TNRC6A: variants seen among roughly 807,000 people sequenced by gnomAD.
TNRC6A encodes the protein trinucleotide repeat containing adaptor 6A.
TNRC6A carries 44 observed loss-of-function variants against 221.2 expected under a neutral mutation model. The observed-to-expected ratio is 0.20, with a 90% CI of 0.16 to 0.26. The LOEUF is 0.26. Among genes scored for constraint, TNRC6A ranks in the 10% least tolerant of loss-of-function variants. The pLI, the probability that TNRC6A is intolerant of heterozygous loss-of-function variation, is 1.00. For synonymous variants in TNRC6A, 847 were observed against 838.5 expected, an observed-to-expected ratio of 1.01 and a Z score of -0.18; for missense variants, 2,199 against 2,404.4, an observed-to-expected ratio of 0.91 and a Z score of 1.79.
intron 2 of TNRC6A, among the ~76,000 whole-genome samples, chr16:24,653,669 A>C (rs997936145): frequency 7.2e-5 from 11 of 151,846 alleles, no homozygotes; most frequent in Non-Finnish European, 1.5e-5. Context: ...AATCCCAGCT[A>C]CTTGGGAGGC....
intron 1 of TNRC6A, 61 bp from the exon 2 acceptor site, chr16:24,730,192 G>A: frequency 1.4e-6 from 2 of 1,442,496 alleles, no homozygotes; most frequent in East Asian, 2.9e-5. Context: ...CCGTTTTCAC[G>A]CGCATCTCGT....
chr16:24,690,860 T>C (rs1260719196), intron 2 of TNRC6A, among the ~76,000 whole-genome samples: 3 of 149,986 alleles, frequency 2.0e-5, no homozygotes, highest in African/African-American at 7.4e-5. Context: ...CAGGCTGGAG[T>C]GTAGTGGCGA....
At chr16:24,727,936 C>G (rs951193995), upstream of TNRC6A, among the ~76,000 whole-genome samples, 1 of 147,320 alleles carries the variant, frequency 6.8e-6, no homozygotes, top group African/African-American at 2.5e-5. Context: ...TTTTTTTTTT[C>G]AAAAAAGTGT....
intron 2 of TNRC6A, among the ~76,000 whole-genome samples, chr16:24,654,677 C>G (rs1038700971): frequency 6.6e-6 from 1 of 151,924 alleles, no homozygotes; most frequent in Non-Finnish European, 1.5e-5. Flanking sequence ...TGAGATCGCA[C>G]CACTGCACTC....
intron 1 of TNRC6A, among the ~76,000 whole-genome samples, chr16:24,610,885 G>T (rs192170115): frequency 1.3e-5 from 2 of 151,696 alleles, no homozygotes; most frequent in African/African-American, 2.4e-5. Flanking sequence ...ATCTCGGCTC[G>T]CTGCAACCTC....
At chr16:24,628,493 C>T (rs540595312) in intron 1 of TNRC6A, among the ~76,000 whole-genome samples, 40 of 152,068 alleles carry the variant, frequency 2.6e-4, no homozygotes, top group Non-Finnish European at 5.0e-4. Flanking sequence ...CTACCTTCTC[C>T]ACCTCTGCCA....
At chr16:24,621,277 G>A (rs1261721578) in intron 1 of TNRC6A, among the ~76,000 whole-genome samples, 1 of 151,146 alleles carries the variant, frequency 6.6e-6, no homozygotes, top group Non-Finnish European at 1.5e-5. Flanking sequence ...TGGTTCAAGG[G>A]TGCAGATGGT....
intron 3 of TNRC6A, among the ~76,000 whole-genome samples, chr16:24,752,537 T>C (rs1386202917): frequency 6.6e-6 from 1 of 152,138 alleles, no homozygotes; most frequent in Non-Finnish European, 1.5e-5. Flanking sequence ...TTGGTATTGA[T>C]GGATGTCTTG....
At chr16:24,734,553 C>G (rs760864105) in intron 2 of TNRC6A, among the ~76,000 whole-genome samples, 7 of 152,196 alleles carry the variant, frequency 4.6e-5, no homozygotes, top group Non-Finnish European at 1.5e-5. Context: ...TTCTTCATTT[C>G]TCAAGTGAGA....
At chr16:24,679,877 G>GAGATTAC (rs1031795030) in intron 2 of TNRC6A, among the ~76,000 whole-genome samples, 42 of 152,074 alleles carry the variant, frequency 2.8e-4, no homozygotes, top group African/African-American at 9.9e-4. Context: ...CCAAAGTGCT[G>GAGATTAC]AGATTACAGG....
Position 24,820,343 on chromosome 16 carries a change from A to C in TNRC6A, c.5285A>C (p.Asp1762Ala). 6.2e-7 allele frequency: 1 copy of C among 1,614,148 alleles called. No homozygotes were observed. The highest frequency in any genetic ancestry group is 8.5e-7 in the Non-Finnish European group (1 of 1,180,020). ...LRIGGGWGNS[D>A]ARYTPGSSWG... ...ATAGGTGGAGGATGGGGAAATTCTGACGCCAGATATACCCCAGGTAAGATG... is the reference window on the plus strand; with the variant it reads ...ATAGGTGGAGGATGGGGAAATTCTGCCGCCAGATATACCCCAGGTAAGATG... Residue 1762 changes from aspartate to alanine, a missense_variant, in exon 22 of 25, where the codon GAC (aspartate) becomes GCC (alanine). This residue lies in a region of TNRC6A where 449 missense variants were observed against 579.7 expected (regional missense o/e 0.77). Transcript: ENST00000395799.
intron 2 of TNRC6A, among the ~76,000 whole-genome samples, chr16:24,738,183 T>C (rs78122584): frequency 0.011 from 1,651 of 152,342 alleles, 18 homozygotes; most frequent in Admixed American, 0.02. Flanking sequence ...TTTGCTCAGC[T>C]TATCAATTTA....
At chr16:24,655,443 C>T (rs945515245) in intron 2 of TNRC6A, among the ~76,000 whole-genome samples, 1 of 152,220 alleles carries the variant, frequency 6.6e-6, no homozygotes, top group African/African-American at 2.4e-5. Context: ...AATCCCAGCA[C>T]TTTGGGAGGC....
intron 2 of TNRC6A, chr16:24,663,225 T>TA (rs1389548268): frequency 6.5e-6 from 1 of 153,812 alleles, no homozygotes; most frequent in Admixed American, 6.5e-5. Flanking sequence ...TATTCACAGT[T>TA]ACAGCTTAAC....
chr16:24,740,691 G>A (rs1275148757), intron 2 of TNRC6A, among the ~76,000 whole-genome samples: 2 of 152,062 alleles, frequency 1.3e-5, no homozygotes, highest in Non-Finnish European at 2.9e-5. Context: ...TTTAAATGAT[G>A]TAGTTTGGTG....
intron 1 of TNRC6A, among the ~76,000 whole-genome samples, chr16:24,621,139 A>T (rs1468342665): frequency 6.6e-6 from 1 of 151,360 alleles, no homozygotes; most frequent in African/African-American, 2.4e-5. Flanking sequence ...GAAAGAAAGA[A>T]AAATAGTATT....
Position 24,763,474 on chromosome 16 carries a change from C to T in TNRC6A, c.163+5114C>T, listed in dbSNP as rs535282390. 2.0e-5 allele frequency among the ~76,000 whole-genome samples: 3 copies of T among 152,300 alleles called. No individual in the cohort carries two copies. In the South Asian group the frequency reaches 6.2e-4, roughly 32 times the overall value. On this transcript the variant is annotated intron_variant, in intron 4 of 24. Coordinates refer to ENST00000395799, the MANE Select transcript of TNRC6A (RefSeq NM_014494.4). ...AGAAGTTTTTAGTTTGTCCCCTTCT[C>T]ATTAATAAACAGAGCACCTCTTTAC...
intron 5 of TNRC6A, among the ~76,000 whole-genome samples, chr16:24,780,293 G>T (rs2057813426): frequency 1.3e-5 from 2 of 152,094 alleles, no homozygotes; most frequent in South Asian, 4.1e-4. Context: ...GCATGCATGT[G>T]CACATTATTG....
At chr16:24,820,090 T>C in intron 21 of TNRC6A, 49 bp from the exon 22 acceptor site, 4 of 1,528,318 alleles carry the variant, frequency 2.6e-6, no homozygotes, top group South Asian at 1.1e-5. Flanking sequence ...AATTTCCTCC[T>C]TTCTTAAACA....
Sources: allele counts gnomAD v4.1 joint callset (sites outside exome capture counted in the v4.1 genomes callset), GRCh38; gene constraint gnomAD v4.1.1; regional missense constraint gnomAD v4.1.1; transcripts MANE v1.5; gene names NCBI Gene and HGNC (gene_info 2026-07-23, HGNC 2026-07-21).